The following MALRD1 variants were observed in gnomAD, a reference collection of about 807,000 sequenced individuals.
The protein encoded by MALRD1 is MAM and LDL-receptor class A domain-containing protein 1.
Under a neutral mutation model 242.1 loss-of-function variants are expected in MALRD1, and 247 were observed. The observed-to-expected ratio is 1.02, with a 90% CI of 0.92 to 1.13. MALRD1 has a LOEUF of 1.13. Ranked by LOEUF, MALRD1 falls within the 50% of genes most tolerant of loss-of-function variation. The pLI, the probability that MALRD1 is intolerant of heterozygous loss-of-function variation, is 0.00. For missense variants in MALRD1, 2,989 were observed against 2,533.1 expected (o/e 1.18, Z -3.86); for synonymous variants, 995 against 866.6 (o/e 1.15, Z -2.60).
chr10:19,684,177 G>A (rs1172836479), intron 36 of MALRD1, among the ~76,000 whole-genome samples: 1 of 152,130 alleles, frequency 6.6e-6, no homozygotes, highest in Non-Finnish European at 1.5e-5. Context: ...GGTCAACAGA[G>A]CCAAAGTTGA....
At chr10:19,463,963 A>G (rs1836085316) in intron 29 of MALRD1, among the ~76,000 whole-genome samples, 2 of 152,114 alleles carry the variant, frequency 1.3e-5, no homozygotes, top group Admixed American at 1.3e-4. Context: ...TTCCCTGATC[A>G]TTAGTGATGT....
At chr10:19,054,076 A>G (rs561083087) in intron 1 of MALRD1, among the ~76,000 whole-genome samples, 1 of 152,278 alleles carries the variant, frequency 6.6e-6, no homozygotes, top group Admixed American at 6.5e-5. Flanking sequence ...ATCAAGGGAA[A>G]TATAAGTTGT....
intron 7 of MALRD1, among the ~76,000 whole-genome samples, chr10:19,126,139 T>C (rs773329903): frequency 6.6e-6 from 1 of 152,066 alleles, no homozygotes; most frequent in Non-Finnish European, 1.5e-5. Context: ...TCTGAGTGCA[T>C]GTAATGGTTT....
chr10:19,193,423 G>A (rs1236206089), intron 14 of MALRD1, among the ~76,000 whole-genome samples: 1 of 152,106 alleles, frequency 6.6e-6, no homozygotes, highest in African/African-American at 2.4e-5. Flanking sequence ...GGGCATGGTG[G>A]CACATGCCTG....
chr10:19,225,639 C>G (rs1837769507), intron 18 of MALRD1, among the ~76,000 whole-genome samples: 1 of 152,092 alleles, frequency 6.6e-6, no homozygotes, highest in Non-Finnish European at 1.5e-5. Flanking sequence ...TTCATTTCTA[C>G]AGAGCCAACC....
chr10:19,456,560 A>G (rs1835659247), intron 29 of MALRD1, among the ~76,000 whole-genome samples: 1 of 152,192 alleles, frequency 6.6e-6, no homozygotes, highest in Non-Finnish European at 1.5e-5. Flanking sequence ...CATAGAGTTT[A>G]ACTTCAGAAC....
intron 21 of MALRD1, 100 bp downstream of exon 21, chr10:19,283,281 T>A: frequency 3.1e-6 from 3 of 965,776 alleles, no homozygotes; most frequent in Non-Finnish European, 4.1e-6. Context: ...AATGCTACTG[T>A]AAAGACAAAT....
rs1564492726 is a variant in MALRD1, at chr10:19,238,496, A to AATG, written c.2992-19188_2992-19187insATG. Among the ~76,000 whole-genome samples, 4 of 8,246 alleles carry AATG rather than the reference A, an allele frequency of 4.9e-4. 1 individual carries two copies. Among genetic ancestry groups the AATG allele is most frequent in the African/African-American group, 2.5e-3 (4 of 1,622 alleles). 5.4% of individuals were successfully genotyped at this position (8,246 alleles called of 152,430 possible). A position where few individuals can be genotyped will look rare whatever the true frequency, so the allele number is the denominator to read the frequency against. Reference sequence around the variant, plus strand: ...ATATAATATACATTATATATAATATATAATATAATATATAATGTATATTAT... The same window carrying AATG: ...ATATAATATACATTATATATAATATAATGTAATATAATATATAATGTATATTAT... On this transcript the variant is annotated intron_variant, in intron 18 of 39. Coordinates refer to ENST00000454679, the MANE Select transcript of MALRD1 (RefSeq NM_001142308.3).
chr10:19,528,491 G>A (rs1834197004), intron 31 of MALRD1, among the ~76,000 whole-genome samples: 1 of 152,128 alleles, frequency 6.6e-6, no homozygotes, highest in Non-Finnish European at 1.5e-5. Flanking sequence ...TACTTGGGAG[G>A]CTGAGGCAGG....
chr10:19,362,768 G>A (rs1401952409), intron 26 of MALRD1, among the ~76,000 whole-genome samples: 1 of 152,092 alleles, frequency 6.6e-6, no homozygotes, highest in Non-Finnish European at 1.5e-5. Context: ...TGGCTGTAAT[G>A]TAGAGAGATT....
intron 18 of MALRD1, among the ~76,000 whole-genome samples, chr10:19,252,378 T>C (rs1232562747): frequency 6.6e-6 from 1 of 152,102 alleles, no homozygotes; most frequent in Admixed American, 6.6e-5. Flanking sequence ...ATGAATTTAT[T>C]TCTTCCTGTT....
intron 5 of MALRD1, among the ~76,000 whole-genome samples, chr10:19,106,672 A>C (rs1453947797): frequency 2.0e-5 from 3 of 151,654 alleles, no homozygotes; most frequent in Non-Finnish European, 3.0e-5. Flanking sequence ...TCCTTCTACT[A>C]ATTTGGGGTT....
chr10:19,598,664 G>T (rs1011811988), intron 34 of MALRD1, among the ~76,000 whole-genome samples: 2 of 152,044 alleles, frequency 1.3e-5, no homozygotes, highest in African/African-American at 4.8e-5. Flanking sequence ...GTGTTTGGAA[G>T]TGTATATATA....
chr10:19,695,586 C>A (rs1176335737), intron 38 of MALRD1, among the ~76,000 whole-genome samples: 1 of 149,100 alleles, frequency 6.7e-6, no homozygotes, highest in Non-Finnish European at 1.5e-5. Flanking sequence ...GTGGCACAAT[C>A]TCAGCTCACT....
intron 26 of MALRD1, among the ~76,000 whole-genome samples, chr10:19,385,081 T>C (rs908840440): frequency 6.6e-6 from 1 of 152,066 alleles, no homozygotes; most frequent in Non-Finnish European, 1.5e-5. Context: ...TTTGCTGATG[T>C]TAAACTATTC....
At chr10:19,389,723 TCCA>T in intron 28 of MALRD1, 114 bp downstream of exon 28, 1 of 1,155,054 alleles carries the variant, frequency 8.7e-7, no homozygotes, top group East Asian at 2.6e-5. Flanking sequence ...TACTGCAGCC[TCCA>T]ACTCCTGGAC....
At chr10:19,258,563 A>G (rs1282829908) in intron 19 of MALRD1, among the ~76,000 whole-genome samples, 1 of 152,134 alleles carries the variant, frequency 6.6e-6, no homozygotes, top group East Asian at 1.9e-4. Context: ...TCCCTGCTCT[A>G]TCATCTTAGC....
intron 34 of MALRD1, among the ~76,000 whole-genome samples, chr10:19,603,685 T>C (rs903374196): frequency 6.6e-6 from 1 of 152,182 alleles, no homozygotes; most frequent in Non-Finnish European, 1.5e-5. Flanking sequence ...GGGCCCTTTT[T>C]TGGTTTCATA....
intron 1 of MALRD1, chr10:19,051,921 CAAAAAAAAAAAAA>C (rs1178410946): frequency 9.6e-5 from 6 of 62,726 alleles, no homozygotes; most frequent in African/African-American, 3.2e-4. Context: ...GACTCCGTCT[CAAAAAAAAAAAAA>C]AAAAAAAAAA....
Sources: allele counts gnomAD v4.1 joint callset (sites outside exome capture counted in the v4.1 genomes callset), GRCh38; gene constraint gnomAD v4.1.1; transcripts MANE v1.5; gene names NCBI Gene and HGNC (gene_info 2026-07-23, HGNC 2026-07-21).